PAK1: variants seen among roughly 807,000 people sequenced by gnomAD.
The protein encoded by PAK1 is p21 (RAC1) activated kinase 1.
PAK1 carries 29 observed loss-of-function variants against 67.4 expected under a neutral mutation model. The observed-to-expected ratio is 0.43, with a 90% confidence interval of 0.32 to 0.59. The LOEUF (loss-of-function observed/expected upper bound fraction) is 0.59, where lower values mean the gene tolerates loss of function less well. Ranked by LOEUF, PAK1 falls within the 20% of genes least tolerant of loss-of-function variation. The pLI is 0.07. For missense variants in PAK1, 337 were observed against 670.7 expected (o/e 0.50, Z 5.50); for synonymous variants, 223 against 237.4 (o/e 0.94, Z 0.56).
At chr11:77,411,835 TC>T (rs1482412174) in intron 1 of PAK1, 2 of 152,284 alleles carry the variant, frequency 1.3e-5, no homozygotes, top group East Asian at 3.9e-4. Context: ...GCCGCACCTC[TC>T]CCTGCCCAAC....
At chr11:77,472,186 T>C (rs537577666) in intron 1 of PAK1, among the ~76,000 whole-genome samples, 1 of 152,288 alleles carries the variant, frequency 6.6e-6, no homozygotes, top group East Asian at 1.9e-4. Context: ...AATAAGCAAA[T>C]TTACCAAGGT....
the PAK1 span, among the ~76,000 whole-genome samples, chr11:77,490,009 C>A: frequency 6.7e-6 from 1 of 150,048 alleles, no homozygotes; most frequent in Admixed American, 6.6e-5. Flanking sequence ...GTGAGGAACG[C>A]CTCTTCCCGG....
At chr11:77,353,241 G>A (rs763106779) in intron 8 of PAK1, 20 of 303,060 alleles carry the variant, frequency 6.6e-5, no homozygotes, top group South Asian at 5.5e-4. Context: ...GGGTTCATCC[G>A]GAAAAGCAGA....
At chr11:77,359,117 C>T in intron 5 of PAK1, 100 bp from the exon 6 acceptor site, 1 of 1,092,306 alleles carries the variant, frequency 9.2e-7, no homozygotes, top group Non-Finnish European at 1.3e-6. Flanking sequence ...TCCTGATATC[C>T]CTTCTGAAAT....
In PAK1 at chr11:77,383,758, T is replaced by C. The variant is rs561537136; in HGVS notation, c.191-3764A>G. On this transcript the variant is annotated intron_variant, in intron 2 of 14. Coordinates refer to ENST00000356341, the MANE Select transcript of PAK1 (RefSeq NM_002576.5). ...CCAGAGCCACCTGGAACCCAATTAA[T>C]CCCTTCTTGGAAGTAACAATCATCC... Among the ~76,000 whole-genome samples the C allele has an allele frequency of 3.9e-4, 60 of 152,236 alleles. No homozygotes were observed. The East Asian group carries it at 0.011, about 28-fold the overall frequency.
At chr11:77,450,370 C>T (rs1170128481) in intron 1 of PAK1, among the ~76,000 whole-genome samples, 1 of 152,120 alleles carries the variant, frequency 6.6e-6, no homozygotes, top group Non-Finnish European at 1.5e-5. Flanking sequence ...CCCGAAAGAA[C>T]CTGGCAGGTC....
chr11:77,406,668 C>A (rs1328664019), intron 1 of PAK1, among the ~76,000 whole-genome samples: 1 of 152,136 alleles, frequency 6.6e-6, no homozygotes, highest in Admixed American at 6.5e-5. Flanking sequence ...GTCCCAGCTA[C>A]TCAAGAGGCT....
At chr11:77,432,349 T>G (rs866318943) in intron 1 of PAK1, among the ~76,000 whole-genome samples, 1 of 152,322 alleles carries the variant, frequency 6.6e-6, no homozygotes, top group South Asian at 2.1e-4. Flanking sequence ...CTAAACTGAA[T>G]GCTTTCTCCC....
At chr11:77,389,412 A>T (rs1011104517) in intron 2 of PAK1, among the ~76,000 whole-genome samples, 5 of 152,168 alleles carry the variant, frequency 3.3e-5, no homozygotes, top group African/African-American at 1.2e-4. Context: ...TGGTAACTCT[A>T]TGTTTAATCT....
chr11:77,392,316 A>C lies in PAK1; in HGVS notation c.190+15T>G. On this transcript the variant is annotated intron_variant, in intron 2 of 14. Coordinates refer to ENST00000356341, the MANE Select transcript of PAK1 (RefSeq NM_002576.5). ...TAAAGCATATAAATGATGAGAAGAA[A>C]ATCAAATACTATACTTTTATCTCCA... 2 of 1,516,268 alleles carry C rather than the reference A, an allele frequency of 1.3e-6. No individual in the cohort carries two copies. Among genetic ancestry groups the C allele is most frequent in the Non-Finnish European group, 1.8e-6 (2 of 1,121,188 alleles). 93.9% of individuals were successfully genotyped at this position (1,516,268 alleles called of 1,614,324 possible). A position where few individuals can be genotyped will look rare whatever the true frequency, so the allele number is the denominator to read the frequency against.
At chr11:77,482,595 T>C in the PAK1 span, among the ~76,000 whole-genome samples, 120 of 136,704 alleles carry the variant, frequency 8.8e-4, no homozygotes, top group African/African-American at 3.3e-3. Flanking sequence ...CACTCTTTTT[T>C]TCTTTTTTTT....
At chr11:77,456,915 G>A (rs1156372009) in intron 1 of PAK1, among the ~76,000 whole-genome samples, 2 of 151,816 alleles carry the variant, frequency 1.3e-5, no homozygotes, top group South Asian at 2.1e-4. Flanking sequence ...CTAATTTTTC[G>A]TATTTTTAGT....
intron 1 of PAK1, among the ~76,000 whole-genome samples, chr11:77,435,044 A>C (rs1592461808): frequency 6.6e-6 from 1 of 151,594 alleles, no homozygotes; most frequent in Admixed American, 6.6e-5. Flanking sequence ...AATTACAGGC[A>C]TGAGCCACTA....
At chr11:77,329,832 A>G (rs1483499267) in intron 14 of PAK1, among the ~76,000 whole-genome samples, 1 of 152,190 alleles carries the variant, frequency 6.6e-6, no homozygotes, top group Non-Finnish European at 1.5e-5. Flanking sequence ...TAGGAAAAAA[A>G]GAAGTCAAAT....
chr11:77,520,812 T>G, the PAK1 span, among the ~76,000 whole-genome samples: 1 of 152,146 alleles, frequency 6.6e-6, no homozygotes, highest in Non-Finnish European at 1.5e-5. Context: ...CATCCCTGGT[T>G]TCTTTCTCTT....
chr11:77,369,433 C>T, intron 5 of PAK1, among the ~76,000 whole-genome samples: 2 of 141,508 alleles, frequency 1.4e-5, no homozygotes, highest in African/African-American at 5.1e-5. Flanking sequence ...TTGTTTAAAC[C>T]TTATACATTT....
At chr11:77,372,678 ATCC>A (rs1159400028) in intron 5 of PAK1, among the ~76,000 whole-genome samples, 1 of 152,090 alleles carries the variant, frequency 6.6e-6, no homozygotes, top group African/African-American at 2.4e-5. Context: ...CTGCTTACCA[ATCC>A]TCCTCATCAC....
At chr11:77,408,357 CAT>C (rs1362570488) in intron 1 of PAK1, 1 of 152,164 alleles carries the variant, frequency 6.6e-6, no homozygotes, top group Non-Finnish European at 1.5e-5. Flanking sequence ...CATACACACA[CAT>C]ACACACGATC....
the PAK1 span, among the ~76,000 whole-genome samples, chr11:77,513,518 A>G: frequency 6.6e-6 from 1 of 151,992 alleles, no homozygotes; most frequent in Admixed American, 6.6e-5. Flanking sequence ...AAAAATACAA[A>G]AAATTAGCCT....
Sources: gnomAD v4.1 joint callset for allele counts (sites outside exome capture counted in the v4.1 genomes callset) on GRCh38, gnomAD v4.1.1 for gene constraint, MANE v1.5 for transcripts, NCBI Gene and HGNC (gene_info 2026-07-23, HGNC 2026-07-21) for gene names.